The following SGCD variants were observed in gnomAD, a reference collection of about 807,000 sequenced individuals.
SGCD encodes delta-sarcoglycan.
A neutral mutation model predicts 36.6 loss-of-function variants in SGCD; 18 were observed. The ratio of observed to expected loss-of-function variants is 0.49; its 90% CI spans 0.34 to 0.73. SGCD has a LOEUF of 0.73. Among genes scored for constraint, SGCD ranks in the 30% least tolerant of loss-of-function variants. The pLI is 0.01. For missense variants in SGCD, 387 were observed against 346.7 expected (o/e 1.12, Z -0.92); for synonymous variants, 133 against 130.6 (o/e 1.02, Z -0.12).
chr5:156,335,629 C>T (rs1016340951), intron 2 of SGCD, among the ~76,000 whole-genome samples: 3 of 152,152 alleles, frequency 2.0e-5, no homozygotes, highest in African/African-American at 7.2e-5. Flanking sequence ...CCTGTCTCTT[C>T]CCCTATCATT....
intron 3 of SGCD, among the ~76,000 whole-genome samples, chr5:156,455,225 G>C (rs1026060498): frequency 2.0e-5 from 3 of 152,130 alleles, no homozygotes. Flanking sequence ...AAGCTGCCCT[G>C]CCCACACCAT....
At chr5:156,569,931 G>A (rs1015604535) in intron 4 of SGCD, among the ~76,000 whole-genome samples, 4 of 152,198 alleles carry the variant, frequency 2.6e-5, no homozygotes, top group African/African-American at 9.6e-5. Context: ...ACCGGATCAT[G>A]TAGGATCTTG....
At chr5:156,080,988 C>T (rs1446977682) in intron 1 of SGCD, among the ~76,000 whole-genome samples, 1 of 152,156 alleles carries the variant, frequency 6.6e-6, no homozygotes, top group African/African-American at 2.4e-5. Context: ...TCCTGCATTG[C>T]TATAAATAAA....
intron 1 of SGCD, among the ~76,000 whole-genome samples, chr5:156,081,099 G>T (rs546502810): frequency 1.3e-5 from 2 of 152,194 alleles, no homozygotes; most frequent in Admixed American, 1.3e-4. Flanking sequence ...TTAGCTTCTG[G>T]TGAGGGCCTC....
chr5:155,926,509 A>T (rs888239078), intron 1 of SGCD, among the ~76,000 whole-genome samples: 2 of 152,258 alleles, frequency 1.3e-5, no homozygotes, highest in Non-Finnish European at 2.9e-5. Flanking sequence ...GAACAAATAG[A>T]TATATAAAGT....
chr5:156,004,280 A>G (rs1176367876), intron 1 of SGCD, among the ~76,000 whole-genome samples: 1 of 152,180 alleles, frequency 6.6e-6, no homozygotes, highest in African/African-American at 2.4e-5. Context: ...TCCAAAATGT[A>G]CCCAACATTT....
chr5:155,817,056 T>C, the SGCD span, among the ~76,000 whole-genome samples: 6 of 152,218 alleles, frequency 3.9e-5, no homozygotes, highest in Admixed American at 6.5e-5. Context: ...GCATCTCTTA[T>C]TTAACTGTGC....
intron 4 of SGCD, among the ~76,000 whole-genome samples, chr5:156,568,038 A>G (rs1759567754): frequency 6.6e-6 from 1 of 152,172 alleles, no homozygotes; most frequent in Non-Finnish European, 1.5e-5. Flanking sequence ...CCTGAATGAT[A>G]GAAGAATTAA....
At position 156,766,568 on chromosome 5, in the gene SGCD, T is replaced by C. The variant is rs973157956; in HGVS notation, c.*7178T>C. ...ACCCTTTAACTTTGAACCTGTGTAT[T>C]TTACACTGGCATCCTAGATTCAGCA... On this transcript the variant is annotated 3_prime_UTR_variant, in exon 9 of 9. Coordinates refer to ENST00000337851, the MANE Select transcript of SGCD (RefSeq NM_000337.6). 7 of 147,748 alleles carry C rather than the reference T, an allele frequency of 4.7e-5. No homozygotes were observed. Among genetic ancestry groups the C allele is most frequent in the African/African-American group, 1.8e-4 (7 of 39,622 alleles). The allele number at this position is 147,748 out of a possible 1,614,324, so 9.2% of individuals were successfully genotyped here.
chr5:156,333,458 A>G (rs939363301), intron 2 of SGCD, among the ~76,000 whole-genome samples: 5 of 152,160 alleles, frequency 3.3e-5, no homozygotes, highest in Admixed American at 2.6e-4. Flanking sequence ...AATCACAAAA[A>G]TATTGTTTTT....
At chr5:156,154,418 A>G (rs920689778) in intron 3 of SGCD, among the ~76,000 whole-genome samples, 1 of 151,734 alleles carries the variant, frequency 6.6e-6, no homozygotes, top group African/African-American at 2.4e-5. Flanking sequence ...TCTGAGAAAT[A>G]TATTTGCTAT....
chr5:156,618,592 CA>C lies in SGCD; in HGVS notation c.502+23561del, dbSNP rs748789128. ...CAGGGAGTACAGCACTCATAATTCT[CA>C]AAAAAAAAAAAAAAAAAAAGAGCCA... is the stretch of plus-strand genomic sequence containing the variant. On this transcript the variant is annotated intron_variant, in intron 6 of 8. Coordinates refer to ENST00000337851, the MANE Select transcript of SGCD (RefSeq NM_000337.6). 6.0e-3 allele frequency among the ~76,000 whole-genome samples: 460 copies of C among 76,356 alleles called. 2 individuals are homozygous for C. Among genetic ancestry groups the C allele is most frequent in the Middle Eastern group, 7.9e-3 (1 of 126 alleles). 50.1% of individuals were successfully genotyped at this position (76,356 alleles called of 152,430 possible). A position where few individuals can be genotyped will look rare whatever the true frequency, so the allele number is the denominator to read the frequency against.
intron 1 of SGCD, among the ~76,000 whole-genome samples, chr5:156,035,228 G>A (rs543414516): frequency 1.3e-5 from 2 of 152,196 alleles, no homozygotes; most frequent in South Asian, 2.1e-4. Context: ...TAAAGTTTGG[G>A]ATTGAATTCT....
At chr5:156,588,988 T>TTGTGTGTGTGTGTGTGTGTG (rs113243314) in intron 4 of SGCD, among the ~76,000 whole-genome samples, 11 of 143,148 alleles carry the variant, frequency 7.7e-5, no homozygotes, top group African/African-American at 2.9e-4. Flanking sequence ...GGAATCTATA[T>TTGTGTGTGTGTGTGTGTGTG]TGTGTGTGTG....
intron 1 of SGCD, among the ~76,000 whole-genome samples, chr5:156,047,268 A>G (rs185200153): frequency 3.0e-4 from 46 of 152,294 alleles, no homozygotes; most frequent in Admixed American, 2.7e-3. Context: ...GAAGCTACAT[A>G]AGTTATCCGG....
chr5:156,070,160 A>T (rs1035008482), intron 1 of SGCD, among the ~76,000 whole-genome samples: 1 of 149,166 alleles, frequency 6.7e-6, no homozygotes, highest in Non-Finnish European at 1.5e-5. Flanking sequence ...AGAACTTCCA[A>T]CACTATGTTG....
intron 7 of SGCD, among the ~76,000 whole-genome samples, chr5:156,688,817 C>A (rs1337969334): frequency 6.6e-6 from 1 of 152,174 alleles, no homozygotes; most frequent in Non-Finnish European, 1.5e-5. Context: ...GCTGGACAGC[C>A]AAAAACCTAC....
intron 1 of SGCD, among the ~76,000 whole-genome samples, chr5:155,981,949 G>T (rs1489669652): frequency 1.3e-5 from 2 of 152,150 alleles, no homozygotes; most frequent in Non-Finnish European, 2.9e-5. Context: ...ACCTACAACA[G>T]GACATGGATT....
At chr5:155,780,908 C>G in the SGCD span, among the ~76,000 whole-genome samples, 1 of 152,158 alleles carries the variant, frequency 6.6e-6, no homozygotes, top group Non-Finnish European at 1.5e-5. Flanking sequence ...ACACTTTGTA[C>G]AAGCACTTGT....
Sources: gnomAD v4.1 joint callset for allele counts (sites outside exome capture counted in the v4.1 genomes callset) on GRCh38, gnomAD v4.1.1 for gene constraint, MANE v1.5 for transcripts, NCBI Gene and HGNC (gene_info 2026-07-23, HGNC 2026-07-21) for gene names.